NEBL: variants seen among roughly 807,000 people sequenced by gnomAD.
NEBL encodes the protein LIM and SH3 protein 2.
In NEBL, 122 loss-of-function variants were observed where a neutral mutation model predicts 140.2. The observed-to-expected ratio is 0.87, with a 90% CI of 0.75 to 1.01. NEBL has a LOEUF of 1.01. NEBL is among the 50% of genes least tolerant of loss of function. The pLI is 0.00. For missense variants in NEBL, 1,365 were observed against 1,231.3 expected (o/e 1.11, Z -1.62); for synonymous variants, 436 against 398.9 (o/e 1.09, Z -1.11).
intron 2 of NEBL, among the ~76,000 whole-genome samples, chr10:21,113,575 C>T (rs1367635133): frequency 6.6e-6 from 1 of 152,022 alleles, no homozygotes; most frequent in African/African-American, 2.4e-5. Context: ...TCTGGCTGTC[C>T]TTTTTATAAT....
At chr10:21,249,574 A>G (rs1201719069) in intron 2 of NEBL, among the ~76,000 whole-genome samples, 1 of 150,814 alleles carries the variant, frequency 6.6e-6, no homozygotes, top group African/African-American at 2.4e-5. Context: ...TAAGGGTCCT[A>G]TTTAAATATT....
Position 21,106,848 on chromosome 10 carries a change from C to A in NEBL, c.164+65535G>T, listed in dbSNP as rs1304475324. ...GAAAGTTCTTCCATTTGTTTGTGTC[C>A]TCTTTTATTTTGTTTAGCAGTGGTT... is the stretch of plus-strand genomic sequence containing the variant. On this transcript the variant is annotated intron_variant, in intron 2 of 6. Transcript: ENST00000417816. Among the ~76,000 whole-genome samples the A allele has an allele frequency of 2.0e-5, 3 of 152,110 alleles. No individual in the cohort carries two copies. The East Asian group carries it at 5.8e-4, about 29-fold the overall frequency.
intron 3 of NEBL, among the ~76,000 whole-genome samples, chr10:21,236,212 C>T: frequency 6.6e-6 from 1 of 152,142 alleles, no homozygotes; most frequent in Non-Finnish European, 1.5e-5. Flanking sequence ...GCATGGTTAG[C>T]AGTTTGGAGT....
chr10:20,919,118 C>G (rs1167871435), intron 4 of NEBL, among the ~76,000 whole-genome samples: 1 of 151,990 alleles, frequency 6.6e-6, no homozygotes, highest in Non-Finnish European at 1.5e-5. Context: ...ATGTGCTATC[C>G]TAAAAATTCA....
chr10:20,800,763 C>T (rs1006068765), intron 26 of NEBL, among the ~76,000 whole-genome samples: 6 of 152,026 alleles, frequency 3.9e-5, no homozygotes, highest in East Asian at 3.9e-4. Context: ...ATCCCTCTAG[C>T]GGACCACTGA....
chr10:21,271,136 A>G (rs1842855445), intron 1 of NEBL, among the ~76,000 whole-genome samples: 1 of 152,242 alleles, frequency 6.6e-6, no homozygotes, highest in Non-Finnish European at 1.5e-5. Flanking sequence ...GATCAAGAAA[A>G]TGTGGCATAT....
At chr10:20,959,246 T>G (rs1053950165) in intron 4 of NEBL, among the ~76,000 whole-genome samples, 5 of 152,162 alleles carry the variant, frequency 3.3e-5, no homozygotes, top group African/African-American at 1.2e-4. Flanking sequence ...GGCACTCAAA[T>G]GCAAGACTCA....
intron 2 of NEBL, among the ~76,000 whole-genome samples, chr10:21,145,595 A>G (rs918237610): frequency 2.0e-5 from 3 of 152,198 alleles, no homozygotes; most frequent in Non-Finnish European, 1.5e-5. Context: ...TCTTATGCCA[A>G]CCCTACAATA....
intron 2 of NEBL, among the ~76,000 whole-genome samples, chr10:21,100,413 C>T (rs1341924739): frequency 2.6e-5 from 4 of 152,302 alleles, no homozygotes; most frequent in Middle Eastern, 3.4e-3. Context: ...TGCGGGCTGC[C>T]GCAGTTGTTA....
chr10:20,898,181 T>A (rs868111953), upstream of NEBL, among the ~76,000 whole-genome samples: 14 of 152,036 alleles, frequency 9.2e-5, no homozygotes, highest in African/African-American at 3.1e-4. Context: ...TAAAAAAAAA[T>A]TTCTCAAAAC....
intron 2 of NEBL, among the ~76,000 whole-genome samples, chr10:21,099,146 A>G (rs997560121): frequency 6.6e-6 from 1 of 152,260 alleles, no homozygotes; most frequent in African/African-American, 2.4e-5. Context: ...AAATAAAAAT[A>G]AAATCAAAAC....
chr10:21,080,870 T>C (rs755914708), intron 2 of NEBL, among the ~76,000 whole-genome samples: 1 of 152,168 alleles, frequency 6.6e-6, no homozygotes, highest in African/African-American at 2.4e-5. Context: ...GTTTTTTGTT[T>C]TTTGAGATGG....
intron 14 of NEBL, among the ~76,000 whole-genome samples, chr10:20,834,585 T>C (rs1371304179): frequency 6.6e-6 from 1 of 152,206 alleles, no homozygotes; most frequent in Non-Finnish European, 1.5e-5. Context: ...AGATTTCCTG[T>C]AAGGTGTCAG....
chr10:21,227,815 G>GTTC (rs764400473), intron 3 of NEBL, among the ~76,000 whole-genome samples: 1 of 124,872 alleles, frequency 8.0e-6, no homozygotes, highest in Non-Finnish European at 1.7e-5. Flanking sequence ...TCTTCTTCTT[G>GTTC]TTCTTCTTCT....
chr10:21,073,082 G>T (rs1006624592), intron 2 of NEBL, among the ~76,000 whole-genome samples: 1 of 152,158 alleles, frequency 6.6e-6, no homozygotes. Flanking sequence ...GGGACAGGTT[G>T]CATGGCCTAC....
At chr10:20,988,494 A>C (rs901647873) in intron 3 of NEBL, among the ~76,000 whole-genome samples, 1 of 152,082 alleles carries the variant, frequency 6.6e-6, no homozygotes, top group Non-Finnish European at 1.5e-5. Context: ...CCTGGCTCCT[A>C]GCTAAAGCCA....
intron 1 of NEBL, among the ~76,000 whole-genome samples, chr10:21,292,211 TAA>T (rs1472187606): frequency 6.6e-6 from 1 of 152,246 alleles, no homozygotes; most frequent in Non-Finnish European, 1.5e-5. Flanking sequence ...CTGCTTTGTA[TAA>T]AAGTTTATTT....
chr10:20,792,139 A>C (rs923652717), intron 26 of NEBL, among the ~76,000 whole-genome samples: 3 of 150,416 alleles, frequency 2.0e-5, no homozygotes, highest in African/African-American at 7.3e-5. Flanking sequence ...AAAAAAAAAG[A>C]AAGAAAGAAA....
chr10:21,288,548 G>T (rs1052075051), intron 1 of NEBL, among the ~76,000 whole-genome samples: 3 of 151,352 alleles, frequency 2.0e-5, no homozygotes, highest in Non-Finnish European at 2.9e-5. Flanking sequence ...GGATCACGAA[G>T]TCAGGAGTTC....
Sources: gnomAD v4.1 joint callset for allele counts (sites outside exome capture counted in the v4.1 genomes callset) on GRCh38, gnomAD v4.1.1 for gene constraint, MANE v1.5 for transcripts, NCBI Gene and HGNC (gene_info 2026-07-23, HGNC 2026-07-21) for gene names.